Variants in HTR2C observed in about 807,000 individuals in gnomAD.
HTR2C encodes the protein 5-hydroxytryptamine (serotonin) receptor 2C, G protein-coupled.
In HTR2C, 5 loss-of-function variants were observed where a neutral mutation model predicts 21.0. The observed-to-expected ratio is 0.24, with a 90% CI of 0.12 to 0.50. HTR2C has a LOEUF of 0.50. HTR2C is among the 20% of genes least tolerant of loss of function. The probability of loss-of-function intolerance (pLI) is 0.98; values close to 1 mark genes in which losing one functional copy is unlikely to be tolerated. For missense variants in HTR2C, 271 were observed against 371.2 expected (o/e 0.73, Z 2.22); for synonymous variants, 150 against 145.3 (o/e 1.03, Z -0.23).
At chrX:114,637,686 G>T (rs2147822220) in intron 2 of HTR2C, among the ~76,000 whole-genome samples, 1 of 111,249 alleles carries the variant, frequency 9.0e-6, no homozygotes, top group African/African-American at 3.3e-5. Flanking sequence ...AACTTTCAGA[G>T]ATTATTGACA....
intron 1 of HTR2C, among the ~76,000 whole-genome samples, chrX:114,595,977 C>T (rs1283825839): frequency 1.8e-5 from 2 of 112,151 alleles, no homozygotes; most frequent in African/African-American, 6.5e-5. Context: ...CTCTTACTTT[C>T]ATGACTATTA....
At chrX:114,809,129 G>C (rs371299006) in intron 4 of HTR2C, among the ~76,000 whole-genome samples, 2 of 111,441 alleles carry the variant, frequency 1.8e-5, no homozygotes, top group African/African-American at 3.3e-5. Context: ...TGCTGTCTGG[G>C]AGCCAGGGTC....
At chrX:114,814,769 T>C (rs1218380928) in intron 4 of HTR2C, among the ~76,000 whole-genome samples, 1 of 101,907 alleles carries the variant, frequency 9.8e-6, no homozygotes, top group African/African-American at 3.5e-5. Context: ...TATTATAGTA[T>C]ATATAATAAT....
At chrX:114,633,686 T>C (rs1929717782) in intron 2 of HTR2C, among the ~76,000 whole-genome samples, 1 of 111,073 alleles carries the variant, frequency 9.0e-6, no homozygotes, top group Admixed American at 9.7e-5. Flanking sequence ...ATCATGAAAA[T>C]TGTATCAAAA....
rs782787072 is a variant in HTR2C at position 114,685,681 on chromosome X, A to G, written c.-79-41177A>G. 5.4e-4 allele frequency among the ~76,000 whole-genome samples: 60 copies of G among 111,784 alleles called. No homozygotes were observed. In the Middle Eastern group the frequency reaches 0.019, roughly 35 times the overall value. Reference sequence around the variant, plus strand: ...TATCTAAAGCAGGTTATAGCAGTGGATTATCATAGAGTCATAGCAGTGGAT... The same window carrying G: ...TATCTAAAGCAGGTTATAGCAGTGGGTTATCATAGAGTCATAGCAGTGGAT... On this transcript the variant is annotated intron_variant, in intron 2 of 5. Coordinates refer to ENST00000276198, the MANE Select transcript of HTR2C (RefSeq NM_000868.4).
At chrX:114,880,613 G>A (rs6655304) in intron 5 of HTR2C, among the ~76,000 whole-genome samples, 2,965 of 110,986 alleles carry the variant, frequency 0.027, 117 homozygotes, top group African/African-American at 0.092. Flanking sequence ...AGAACGAATT[G>A]ACTATCTGTC....
intron 4 of HTR2C, chrX:114,774,826 G>A: frequency 2.2e-6 from 1 of 459,047 alleles, no homozygotes; most frequent in East Asian, 3.8e-5. Flanking sequence ...ATTTATGTTG[G>A]CTTAATCAAC....
chrX:114,890,539 G>T (rs782066908), intron 5 of HTR2C, among the ~76,000 whole-genome samples: 7 of 111,798 alleles, frequency 6.3e-5, no homozygotes, highest in Non-Finnish European at 9.4e-5. Flanking sequence ...GTGCATATCT[G>T]CAATCAATAA....
intron 4 of HTR2C, among the ~76,000 whole-genome samples, chrX:114,814,878 T>C (rs2070568431): frequency 9.9e-6 from 1 of 101,373 alleles, no homozygotes; most frequent in Non-Finnish European, 2.0e-5. Context: ...TGATATATAC[T>C]ATAGAATATA....
chrX:114,835,201 G>A (rs1478422745), intron 4 of HTR2C, among the ~76,000 whole-genome samples: 3 of 95,789 alleles, frequency 3.1e-5, no homozygotes, highest in Admixed American at 2.4e-4. Flanking sequence ...TGCTCTTCTC[G>A]AGGAGTATCT....
At chrX:114,634,393 G>A (rs1453326575) in intron 2 of HTR2C, among the ~76,000 whole-genome samples, 2 of 111,703 alleles carry the variant, frequency 1.8e-5, no homozygotes, top group Non-Finnish European at 3.8e-5. Context: ...GTGAAAATTT[G>A]CAGAAATATT....
intron 4 of HTR2C, among the ~76,000 whole-genome samples, chrX:114,792,491 G>A (rs1326015808): frequency 9.0e-6 from 1 of 111,628 alleles, no homozygotes; most frequent in Non-Finnish European, 1.9e-5. Flanking sequence ...TGGTATATAT[G>A]TACCACATTT....
intron 1 of HTR2C, among the ~76,000 whole-genome samples, chrX:114,591,903 T>G (rs1180795892): frequency 8.9e-6 from 1 of 111,848 alleles, no homozygotes; most frequent in Non-Finnish European, 1.9e-5. Context: ...ATTTATGGTA[T>G]AGGCAACATT....
chrX:114,793,658 A>T (rs782058504), intron 4 of HTR2C, among the ~76,000 whole-genome samples: 1 of 110,863 alleles, frequency 9.0e-6, no homozygotes. Flanking sequence ...GAGATCTGGT[A>T]TCTAGATCTG....
At chrX:114,795,726 C>A (rs1556445106) in intron 4 of HTR2C, among the ~76,000 whole-genome samples, 1 of 111,322 alleles carries the variant, frequency 9.0e-6, no homozygotes, top group African/African-American at 3.3e-5. Context: ...TGGTCTATAT[C>A]TCTGTTTTGG....
intron 1 of HTR2C, among the ~76,000 whole-genome samples, chrX:114,605,070 G>A (rs1158500387): frequency 9.0e-6 from 1 of 110,900 alleles, no homozygotes; most frequent in Non-Finnish European, 1.9e-5. Flanking sequence ...GCGTCTCAGG[G>A]TTGCTGCCAA....
intron 4 of HTR2C, among the ~76,000 whole-genome samples, chrX:114,786,339 G>A (rs782693733): frequency 1.8e-5 from 2 of 111,620 alleles, no homozygotes; most frequent in Admixed American, 1.9e-4. Context: ...TACAGAAAGG[G>A]TTACACATGA....
chrX:114,693,673 A>G (rs1380025968), intron 2 of HTR2C, among the ~76,000 whole-genome samples: 4 of 111,443 alleles, frequency 3.6e-5, no homozygotes, highest in African/African-American at 9.8e-5. Context: ...GACTCCAGAC[A>G]TCTTCAAATA....
chrX:114,757,122 C>A (rs1320601314), intron 4 of HTR2C, among the ~76,000 whole-genome samples: 1 of 110,624 alleles, frequency 9.0e-6, no homozygotes, highest in African/African-American at 3.3e-5. Flanking sequence ...TATCTATATA[C>A]AAATTGCTAC....
Sources: gnomAD v4.1 joint callset for allele counts (sites outside exome capture counted in the v4.1 genomes callset) on GRCh38, gnomAD v4.1.1 for gene constraint, MANE v1.5 for transcripts, NCBI Gene and HGNC (gene_info 2026-07-23, HGNC 2026-07-21) for gene names.